Variants in ANKRD62 observed in about 807,000 individuals in gnomAD.
The protein encoded by ANKRD62 is ankyrin repeat domain-containing protein 62.
A neutral mutation model predicts 98.8 loss-of-function variants in ANKRD62; 61 were observed. The ratio of observed to expected loss-of-function variants is 0.62; its 90% CI spans 0.50 to 0.76. ANKRD62 has a LOEUF of 0.76. ANKRD62 is among the 30% of genes least tolerant of loss of function. The probability of loss-of-function intolerance (pLI) is 0.00; values close to 1 mark genes in which losing one functional copy is unlikely to be tolerated. For synonymous variants in ANKRD62, 341 were observed against 367.9 expected (o/e 0.93, Z 0.84); for missense variants, 933 against 1,082.9 (o/e 0.86, Z 1.94).
intron 8 of ANKRD62, among the ~76,000 whole-genome samples, chr18:12,107,927 C>A (rs1909451705): frequency 6.6e-6 from 1 of 151,986 alleles, no homozygotes; most frequent in Non-Finnish European, 1.5e-5. Context: ...ATATAACATG[C>A]AATAGGCCAA....
chr18:12,160,891 T>A, the ANKRD62 span, among the ~76,000 whole-genome samples: 93,192 of 151,822 alleles, frequency 0.61, 29,039 homozygotes, highest in Middle Eastern at 0.76. Flanking sequence ...CATAGGAAGA[T>A]GTGCTCAAGA....
the ANKRD62 span, among the ~76,000 whole-genome samples, chr18:12,151,910 A>G: frequency 6.6e-6 from 1 of 152,120 alleles, no homozygotes; most frequent in Admixed American, 6.5e-5. Flanking sequence ...AAATACAAGT[A>G]ACATGAGTAA....
chr18:12,109,068 G>A (rs1483397846), intron 8 of ANKRD62, among the ~76,000 whole-genome samples: 2 of 152,092 alleles, frequency 1.3e-5, no homozygotes, highest in Non-Finnish European at 2.9e-5. Context: ...ACCTTTCTGG[G>A]GTCTGGAAGA....
At chr18:12,118,584 C>T (rs968498150) in intron 10 of ANKRD62, among the ~76,000 whole-genome samples, 3 of 143,394 alleles carry the variant, frequency 2.1e-5, no homozygotes, top group Admixed American at 7.3e-5. Context: ...ACTCCAGTCT[C>T]GGAGACAGAG....
At chr18:12,145,617 A>G in the ANKRD62 span, among the ~76,000 whole-genome samples, 24 of 152,188 alleles carry the variant, frequency 1.6e-4, no homozygotes, top group African/African-American at 5.8e-4. Context: ...GGAGCTCTCA[A>G]CTGGGGTCTT....
At chr18:12,165,315 T>C in the ANKRD62 span, among the ~76,000 whole-genome samples, 1 of 151,998 alleles carries the variant, frequency 6.6e-6, no homozygotes, top group African/African-American at 2.4e-5. Context: ...CATTTTGTTA[T>C]TTGTTTTCTA....
chr18:12,122,833 C>T (rs569927450), intron 11 of ANKRD62, among the ~76,000 whole-genome samples: 1 of 151,922 alleles, frequency 6.6e-6, no homozygotes, highest in Non-Finnish European at 1.5e-5. Flanking sequence ...CTTACAGATC[C>T]ATAGTTTTCT....
At chr18:12,114,104 T>C (rs560485427) in intron 8 of ANKRD62, among the ~76,000 whole-genome samples, 2 of 152,170 alleles carry the variant, frequency 1.3e-5, no homozygotes, top group African/African-American at 4.8e-5. Flanking sequence ...CATAGACACA[T>C]TGATAGGAGC....
chr18:12,175,550 C>G, the ANKRD62 span, among the ~76,000 whole-genome samples: 4 of 151,882 alleles, frequency 2.6e-5, no homozygotes, highest in Non-Finnish European at 5.9e-5. Flanking sequence ...AGTATGCAGG[C>G]TGGTGCTTTG....
downstream of ANKRD62, among the ~76,000 whole-genome samples, chr18:12,133,339 G>C (rs1568068720): frequency 1.3e-5 from 2 of 152,048 alleles, no homozygotes; most frequent in Admixed American, 6.6e-5. Flanking sequence ...ATTGTTTCCA[G>C]GTTTTAACTA....
the ANKRD62 span, among the ~76,000 whole-genome samples, chr18:12,175,093 A>G: frequency 6.6e-6 from 1 of 152,212 alleles, no homozygotes. Flanking sequence ...CAGAGGCAAC[A>G]CAGCTCAGGG....
Position 12,128,913 on chromosome 18 carries a change from A to G in ANKRD62, c.*974A>G, listed in dbSNP as rs1909948082. 1 of 152,142 alleles carries G rather than the reference A, an allele frequency of 6.6e-6. No homozygotes were observed. Among genetic ancestry groups the G allele is most frequent in the Non-Finnish European group, 1.5e-5 (1 of 68,036 alleles). 9.4% of individuals were successfully genotyped at this position (152,142 alleles called of 1,614,324 possible). ...CATCTCTACTAAAAAAGATAAAGAAATTAGCTGGGCATGGTGGTGGTGCAC... is the reference window on the plus strand; with the variant it reads ...CATCTCTACTAAAAAAGATAAAGAAGTTAGCTGGGCATGGTGGTGGTGCAC... On this transcript the variant is annotated 3_prime_UTR_variant, in exon 14 of 14. Transcript: ENST00000587848.
the ANKRD62 span, among the ~76,000 whole-genome samples, chr18:12,154,042 A>G: frequency 6.6e-6 from 1 of 152,208 alleles, no homozygotes; most frequent in Non-Finnish European, 1.5e-5. Context: ...AGACATTGGA[A>G]TGGCCAAAGA....
At chr18:12,164,373 C>G in the ANKRD62 span, among the ~76,000 whole-genome samples, 2 of 151,764 alleles carry the variant, frequency 1.3e-5, no homozygotes, top group African/African-American at 4.8e-5. Flanking sequence ...TTTTATTTCC[C>G]TGGGTCTTCT....
At chr18:12,112,289 T>C (rs886424113) in intron 8 of ANKRD62, among the ~76,000 whole-genome samples, 1 of 152,066 alleles carries the variant, frequency 6.6e-6, no homozygotes, top group African/African-American at 2.4e-5. Flanking sequence ...AGAACAAAGC[T>C]GGAGGAATCA....
intron 6 of ANKRD62, chr18:12,102,842 G>C (rs1453790471): frequency 3.3e-6 from 3 of 908,574 alleles, no homozygotes; most frequent in Non-Finnish European, 2.7e-6. Flanking sequence ...TGTTAATACT[G>C]GATTTTCAAA....
chr18:12,127,708 G>C (rs1197946912), intron 13 of ANKRD62, 40 bp from the exon 14 acceptor site: 1 of 1,319,408 alleles, frequency 7.6e-7, no homozygotes, highest in Middle Eastern at 1.9e-4. Context: ...TTAATAATAA[G>C]TGATATGTAA....
the ANKRD62 span, among the ~76,000 whole-genome samples, chr18:12,137,469 T>G: frequency 2.6e-5 from 4 of 152,230 alleles, no homozygotes; most frequent in African/African-American, 9.6e-5. Flanking sequence ...ATTGAAGATT[T>G]TTGCATCAAT....
chr18:12,103,843 A>T (rs2143902656), intron 7 of ANKRD62, among the ~76,000 whole-genome samples: 1 of 152,260 alleles, frequency 6.6e-6, no homozygotes, highest in African/African-American at 2.4e-5. Context: ...TAAATTTTTA[A>T]AATCAACTGT....
Sources: allele counts gnomAD v4.1 joint callset (sites outside exome capture counted in the v4.1 genomes callset), GRCh38; gene constraint gnomAD v4.1.1; transcripts MANE v1.5; gene names NCBI Gene and HGNC (gene_info 2026-07-23, HGNC 2026-07-21).